Variants in DPP6 observed in about 807,000 individuals in gnomAD.
DPP6 encodes A-type potassium channel modulatory protein DPP6.
Under a neutral mutation model 122.6 loss-of-function variants are expected in DPP6, and 69 were observed. The ratio of observed to expected loss-of-function variants is 0.56; its 90% confidence interval spans 0.46 to 0.69. The LOEUF is 0.69. Among genes scored for constraint, DPP6 ranks in the 30% least tolerant of loss-of-function variants. DPP6 has a pLI of 0.00. For synonymous variants in DPP6, 418 were observed against 433.1 expected (o/e 0.97, Z 0.43); for missense variants, 928 against 1,116.9 (o/e 0.83, Z 2.41).
At chr7:154,318,815 G>A (rs561889766) in intron 1 of DPP6, among the ~76,000 whole-genome samples, 1 of 152,248 alleles carries the variant, frequency 6.6e-6, no homozygotes, top group Non-Finnish European at 1.5e-5. Context: ...CCAAGCCATG[G>A]CATGAGCTTA....
chr7:154,097,137 G>A (rs551760374), intron 1 of DPP6, among the ~76,000 whole-genome samples: 3 of 152,204 alleles, frequency 2.0e-5, no homozygotes, highest in Non-Finnish European at 4.4e-5. Flanking sequence ...AGTTTTTCCT[G>A]CAATGTGAGT....
chr7:154,449,490 A>G (rs1002477228), intron 2 of DPP6, among the ~76,000 whole-genome samples: 4 of 152,172 alleles, frequency 2.6e-5, no homozygotes, highest in Non-Finnish European at 4.4e-5. Context: ...ACTAGTAGAA[A>G]GATAAATTGT....
At chr7:154,109,615 AAAT>A (rs1414498576) in intron 1 of DPP6, among the ~76,000 whole-genome samples, 10 of 152,346 alleles carry the variant, frequency 6.6e-5, no homozygotes, top group South Asian at 4.1e-4. Flanking sequence ...TAATCTTTAA[AAAT>A]AATAATAGTT....
chr7:153,933,345 A>G (rs1374122417), intron 1 of DPP6, among the ~76,000 whole-genome samples: 1 of 152,166 alleles, frequency 6.6e-6, no homozygotes, highest in Admixed American at 6.5e-5. Context: ...AAATAGGGAA[A>G]CATTGTACAG....
At chr7:154,251,856 G>C (rs1002566760) in intron 1 of DPP6, among the ~76,000 whole-genome samples, 1 of 152,138 alleles carries the variant, frequency 6.6e-6, no homozygotes, top group African/African-American at 2.4e-5. Flanking sequence ...ATTGAGGGTG[G>C]GTCTACCTCT....
intron 1 of DPP6, among the ~76,000 whole-genome samples, chr7:154,238,078 C>A (rs1403074803): frequency 2.0e-5 from 3 of 152,184 alleles, no homozygotes; most frequent in Non-Finnish European, 2.9e-5. Context: ...CTAACGGATC[C>A]TTTTCCTCAC....
At chr7:154,299,530 T>C (rs1407344367) in intron 1 of DPP6, among the ~76,000 whole-genome samples, 1 of 152,228 alleles carries the variant, frequency 6.6e-6, no homozygotes, top group African/African-American at 2.4e-5. Context: ...TTGTTGTTTC[T>C]TTCTTTCCAA....
At chr7:154,773,390 C>T (rs1257329125) in intron 10 of DPP6, among the ~76,000 whole-genome samples, 1 of 152,212 alleles carries the variant, frequency 6.6e-6, no homozygotes, top group Non-Finnish European at 1.5e-5. Flanking sequence ...AAGGTCGCAA[C>T]CCTGTGGAAG....
At chr7:154,386,368 C>T (rs1814114520) in intron 1 of DPP6, among the ~76,000 whole-genome samples, 3 of 151,638 alleles carry the variant, frequency 2.0e-5, no homozygotes, top group Admixed American at 2.0e-4. Context: ...GGATCGAGAA[C>T]ATTCAGAAAA....
At chr7:153,844,005 G>T in the DPP6 span, among the ~76,000 whole-genome samples, 1 of 152,064 alleles carries the variant, frequency 6.6e-6, no homozygotes, top group Non-Finnish European at 1.5e-5. Flanking sequence ...CCGTTTATAG[G>T]CTCTCCACAA....
intron 1 of DPP6, among the ~76,000 whole-genome samples, chr7:154,015,055 G>A (rs1313924380): frequency 6.6e-6 from 1 of 152,134 alleles, no homozygotes; most frequent in African/African-American, 2.4e-5. Context: ...TTGCTTTAAT[G>A]AAATGAGAAA....
At chr7:154,741,476 C>A (rs1015530974) in intron 8 of DPP6, among the ~76,000 whole-genome samples, 1 of 152,346 alleles carries the variant, frequency 6.6e-6, no homozygotes. Context: ...AAGAGAGCAC[C>A]TTTCAGCTCT....
chr7:154,459,974 C>CTT (rs71184004), intron 2 of DPP6, among the ~76,000 whole-genome samples: 1,037 of 58,696 alleles, frequency 0.018, 9 homozygotes, highest in African/African-American at 0.019. Flanking sequence ...TATTCATGTG[C>CTT]TTTTTTTTTT....
At chr7:154,712,318 C>A (rs189379680) in intron 7 of DPP6, among the ~76,000 whole-genome samples, 1 of 152,302 alleles carries the variant, frequency 6.6e-6, no homozygotes, top group African/African-American at 2.4e-5. Flanking sequence ...TTGTATACCT[C>A]ATTCTATCTA....
chr7:153,964,242 T>A (rs1341448456), intron 1 of DPP6, among the ~76,000 whole-genome samples: 1 of 152,156 alleles, frequency 6.6e-6, no homozygotes, highest in Non-Finnish European at 1.5e-5. Context: ...GTGATCCACC[T>A]GCCTCGGCCT....
intron 7 of DPP6, among the ~76,000 whole-genome samples, chr7:154,710,702 GTACGTC>G (rs1314444509): frequency 6.6e-6 from 1 of 152,236 alleles, no homozygotes; most frequent in African/African-American, 2.4e-5. Context: ...CTTCTAAAAG[GTACGTC>G]TACAAGGTTG....
At chr7:154,768,435 A>G (rs1013288143) in intron 8 of DPP6, among the ~76,000 whole-genome samples, 2 of 152,266 alleles carry the variant, frequency 1.3e-5, no homozygotes, top group African/African-American at 2.4e-5. Flanking sequence ...CGCACCTAAT[A>G]ATAGCGAGTT....
At chr7:154,705,909 C>T (rs1234653524) in intron 7 of DPP6, among the ~76,000 whole-genome samples, 1 of 152,240 alleles carries the variant, frequency 6.6e-6, no homozygotes, top group Non-Finnish European at 1.5e-5. Flanking sequence ...TCAACTCAGA[C>T]AAAGTGGCCA....
Position 154,842,698 on chromosome 7 carries a change from T to C in DPP6, c.1667-11082T>C, listed in dbSNP as rs1487799618. Among the ~76,000 whole-genome samples the C allele has an allele frequency of 2.0e-5, 3 of 152,352 alleles. No individual in the cohort carries two copies. The East Asian group carries it at 5.8e-4, about 29-fold the overall frequency. On this transcript the variant is annotated intron_variant, in intron 16 of 25. Coordinates refer to ENST00000377770, the MANE Select transcript of DPP6 (RefSeq NM_130797.4). Reference sequence around the variant, plus strand: ...TTTATTTTCCCTTCCAGGAACAATATAAATTTTGAAAGTCAGATATTGAAC... The same window carrying C: ...TTTATTTTCCCTTCCAGGAACAATACAAATTTTGAAAGTCAGATATTGAAC...
Sources: allele counts gnomAD v4.1 joint callset (sites outside exome capture counted in the v4.1 genomes callset), GRCh38; gene constraint gnomAD v4.1.1; transcripts MANE v1.5; gene names NCBI Gene and HGNC (gene_info 2026-07-23, HGNC 2026-07-21).